ADCY2: variants seen among roughly 807,000 people sequenced by gnomAD.
ADCY2 encodes adenylate cyclase type 2.
Under a neutral mutation model 125.2 loss-of-function variants are expected in ADCY2, and 31 were observed. That is an observed-to-expected ratio of 0.25 (90% CI 0.19 to 0.33). ADCY2 has a LOEUF of 0.33. ADCY2 is among the 10% of genes least tolerant of loss of function. ADCY2 has a pLI of 1.00. For missense variants in ADCY2, 904 were observed against 1,418.2 expected, an observed-to-expected ratio of 0.64 and a Z score of 5.82; for synonymous variants, 512 against 548.4, an observed-to-expected ratio of 0.93 and a Z score of 0.93.
intron 2 of ADCY2, among the ~76,000 whole-genome samples, chr5:7,455,076 C>T (rs1042589704): frequency 5.9e-5 from 9 of 152,136 alleles, no homozygotes; most frequent in African/African-American, 1.9e-4. Context: ...ACATTCTATA[C>T]CCCACCTGTG....
Position 7,499,648 on chromosome 5 carries a change from GATATATATATATAT to G in ADCY2, c.409-21069_409-21056del, listed in dbSNP as rs70940741. ...CTAAAGAAGTACATATATGTGGGTG[GATATATATATATAT>G]ATATATATATATATATATATGTATA... On this transcript the variant is annotated intron_variant, in intron 2 of 24. Transcript: ENST00000338316. 2.7e-3 allele frequency among the ~76,000 whole-genome samples: 315 copies of G among 118,414 alleles called. 2 individuals carry two copies. Among genetic ancestry groups the G allele is most frequent in the African/African-American group, 8.7e-3 (276 of 31,608 alleles). The allele number at this position is 118,414 out of a possible 152,430, so 77.7% of individuals were successfully genotyped here. A position where few individuals can be genotyped will look rare whatever the true frequency, so the allele number is the denominator to read the frequency against.
At chr5:7,704,814 C>A (rs964075036) in intron 7 of ADCY2, among the ~76,000 whole-genome samples, 12 of 150,556 alleles carry the variant, frequency 8.0e-5, no homozygotes, top group African/African-American at 2.9e-4. Context: ...GGCGGCGGAG[C>A]TTGCAGTGAG....
At chr5:7,755,002 G>A (rs1742944405) in intron 15 of ADCY2, among the ~76,000 whole-genome samples, 1 of 152,232 alleles carries the variant, frequency 6.6e-6, no homozygotes, top group African/African-American at 2.4e-5. Flanking sequence ...GTGGGTGGAT[G>A]TTCTCTGGCT....
intron 17 of ADCY2, among the ~76,000 whole-genome samples, chr5:7,768,417 T>C (rs1743459400): frequency 1.3e-5 from 2 of 152,190 alleles, no homozygotes; most frequent in Admixed American, 1.3e-4. Flanking sequence ...AGCATCCATA[T>C]GATCCATAGG....
chr5:7,518,258 G>T (rs972562769), intron 2 of ADCY2, among the ~76,000 whole-genome samples: 1 of 152,136 alleles, frequency 6.6e-6, no homozygotes, highest in Non-Finnish European at 1.5e-5. Flanking sequence ...TGATTTTGGG[G>T]CTAGAACTCA....
chr5:7,813,553 AGAT>A (rs745528639), intron 22 of ADCY2, among the ~76,000 whole-genome samples: 44 of 152,248 alleles, frequency 2.9e-4, no homozygotes, highest in Non-Finnish European at 4.7e-4. Context: ...TGAATTATTC[AGAT>A]AATAGGAGAA....
At chr5:7,547,917 T>C (rs771712032) in intron 3 of ADCY2, among the ~76,000 whole-genome samples, 1 of 152,214 alleles carries the variant, frequency 6.6e-6, no homozygotes, top group Non-Finnish European at 1.5e-5. Context: ...CATTACACTA[T>C]TTCCTGTGCT....
At chr5:7,606,789 A>T (rs1466368361) in intron 3 of ADCY2, among the ~76,000 whole-genome samples, 1 of 152,216 alleles carries the variant, frequency 6.6e-6, no homozygotes, top group East Asian at 1.9e-4. Flanking sequence ...TTCGGAATGA[A>T]AGGTATACAT....
intron 16 of ADCY2, among the ~76,000 whole-genome samples, chr5:7,757,878 A>AG (rs1363989613): frequency 6.6e-6 from 1 of 152,184 alleles, no homozygotes; most frequent in East Asian, 1.9e-4. Context: ...CTCTAAGGAA[A>AG]GGGGTGCTTT....
chr5:7,594,544 T>G (rs1368344419), intron 3 of ADCY2, among the ~76,000 whole-genome samples: 1 of 152,234 alleles, frequency 6.6e-6, no homozygotes, highest in Non-Finnish European at 1.5e-5. Flanking sequence ...GGAACTCTTG[T>G]GTGACCCTCT....
chr5:7,595,669 C>T (rs1010519887), intron 3 of ADCY2, among the ~76,000 whole-genome samples: 2 of 152,074 alleles, frequency 1.3e-5, no homozygotes, highest in Admixed American at 6.5e-5. Context: ...AGATTTGTTA[C>T]CAGACCCCCC....
chr5:7,768,202 T>C lies in ADCY2; in HGVS notation c.2214+1396T>C, dbSNP rs190426590. ...ACCCAGAAGATCCTGCGCTTCAAAT[T>C]AGGTGTTATCATAAACTCCAGTAAG... On this transcript the variant is annotated intron_variant, in intron 17 of 24. Coordinates refer to ENST00000338316, the MANE Select transcript of ADCY2 (RefSeq NM_020546.3). 1.4e-3 allele frequency among the ~76,000 whole-genome samples: 217 copies of C among 152,278 alleles called. 4 individuals are homozygous for C. Among genetic ancestry groups the C allele is most frequent in the Admixed American group, 0.013 (197 of 15,302 alleles).
intron 2 of ADCY2, among the ~76,000 whole-genome samples, chr5:7,509,508 A>T (rs140947004): frequency 2.0e-5 from 3 of 152,068 alleles, no homozygotes; most frequent in African/African-American, 7.2e-5. Context: ...TGCATGACAT[A>T]CCTCCTACCT....
intron 4 of ADCY2, among the ~76,000 whole-genome samples, chr5:7,651,949 C>T (rs567187014): frequency 1.4e-4 from 21 of 152,192 alleles, no homozygotes; most frequent in African/African-American, 5.1e-4. Flanking sequence ...ACTACAGGTG[C>T]ACACTACCAT....
At chr5:7,748,527 C>CACACACACACACACAG (rs1553984348) in intron 15 of ADCY2, among the ~76,000 whole-genome samples, 1,415 of 56,102 alleles carry the variant, frequency 0.025, 28 homozygotes, top group African/African-American at 0.054. Context: ...CCAACACACA[C>CACACACACACACACAG]ACACACACAC....
intron 2 of ADCY2, among the ~76,000 whole-genome samples, chr5:7,513,877 T>A (rs1356285612): frequency 6.6e-6 from 1 of 152,210 alleles, no homozygotes; most frequent in Non-Finnish European, 1.5e-5. Context: ...TTGCTCTGCC[T>A]TTGGTTATAA....
chr5:7,705,557 T>G (rs1579337390), intron 7 of ADCY2, among the ~76,000 whole-genome samples: 1 of 144,746 alleles, frequency 6.9e-6, no homozygotes, highest in Non-Finnish European at 1.5e-5. Context: ...AGTCCGGAGG[T>G]GGGGACACCC....
chr5:7,778,489 C>T (rs1206366238), intron 18 of ADCY2, among the ~76,000 whole-genome samples: 2 of 152,214 alleles, frequency 1.3e-5, no homozygotes, highest in South Asian at 2.1e-4. Flanking sequence ...CACATAAATA[C>T]GGTGTTTAAG....
intron 2 of ADCY2, among the ~76,000 whole-genome samples, chr5:7,470,223 T>C (rs1044477379): frequency 1.3e-5 from 2 of 151,774 alleles, no homozygotes; most frequent in African/African-American, 4.8e-5. Context: ...TACTGTGTTG[T>C]GGTAATTTTT....
Sources: allele counts gnomAD v4.1 joint callset (sites outside exome capture counted in the v4.1 genomes callset), GRCh38; gene constraint gnomAD v4.1.1; transcripts MANE v1.5; gene names NCBI Gene and HGNC (gene_info 2026-07-23, HGNC 2026-07-21).